Variants in CLEC2A observed in about 807,000 individuals in gnomAD.
CLEC2A encodes C-type lectin domain family 2 member A, also known as keratinocyte-associated C-type lectin.
A neutral mutation model predicts 18.6 loss-of-function variants in CLEC2A; 19 were observed. That is an observed-to-expected ratio of 1.02 (90% CI 0.71 to 1.50). The LOEUF is 1.50. Among genes scored for constraint, CLEC2A ranks in the 40% most tolerant of loss-of-function variants. The probability of loss-of-function intolerance (pLI) is 0.00; values close to 1 mark genes in which losing one functional copy is unlikely to be tolerated. For missense variants in CLEC2A, 190 were observed against 207.9 expected (o/e 0.91, Z 0.53); for synonymous variants, 74 against 64.0 (o/e 1.16, Z -0.75).
chr12:9,907,909 G>A (rs113418006), intron 4 of CLEC2A, among the ~76,000 whole-genome samples: 245 of 152,336 alleles, frequency 1.6e-3, no homozygotes, highest in African/African-American at 5.4e-3. Context: ...TGATGGTCAC[G>A]TGGGATTTTG....
intron 1 of CLEC2A, among the ~76,000 whole-genome samples, chr12:9,930,976 T>C (rs1431121215): frequency 6.6e-5 from 10 of 152,148 alleles, no homozygotes; most frequent in Non-Finnish European, 1.3e-4. Flanking sequence ...ACTTGGTTTT[T>C]ATTGTGTTCT....
the CLEC2A span, chr12:9,888,777 T>C: frequency 1.3e-6 from 2 of 1,499,282 alleles, no homozygotes; most frequent in East Asian, 4.9e-5. Context: ...CAGCAGTCTA[T>C]CAGGTAATAC....
chr12:9,899,285 T>A (rs1862793543), intron 4 of CLEC2A, among the ~76,000 whole-genome samples: 1 of 152,128 alleles, frequency 6.6e-6, no homozygotes, highest in Non-Finnish European at 1.5e-5. Context: ...TACAATTACC[T>A]AACTGAGAGG....
the CLEC2A span, chr12:9,881,356 C>A: frequency 2.4e-6 from 1 of 417,120 alleles, no homozygotes; most frequent in African/African-American, 2.0e-5. Context: ...ACACTAGCTA[C>A]CTTTACCTTG....
chr12:9,884,272 A>G, the CLEC2A span, among the ~76,000 whole-genome samples: 4 of 152,052 alleles, frequency 2.6e-5, no homozygotes, highest in African/African-American at 7.2e-5. Context: ...GCGATGAAAT[A>G]CTATAGCATA....
chr12:9,931,587 A>C (rs1863376610), intron 1 of CLEC2A, among the ~76,000 whole-genome samples: 1 of 152,214 alleles, frequency 6.6e-6, no homozygotes, highest in Non-Finnish European at 1.5e-5. Context: ...TTATTATTAA[A>C]AGAATTATCC....
chr12:9,893,372 A>G, the CLEC2A span: 5 of 888,874 alleles, frequency 5.6e-6, no homozygotes, highest in African/African-American at 8.3e-5. Context: ...TACACTATAG[A>G]AGGCATCAAA....
At chr12:9,880,661 A>G in the CLEC2A span, among the ~76,000 whole-genome samples, 2 of 152,198 alleles carry the variant, frequency 1.3e-5, no homozygotes, top group African/African-American at 4.8e-5. Flanking sequence ...ATTCAAATGC[A>G]AAGTCCACCG....
chr12:9,918,232 GT>G (rs1863104585), intron 3 of CLEC2A, among the ~76,000 whole-genome samples: 1 of 152,088 alleles, frequency 6.6e-6, no homozygotes, highest in Non-Finnish European at 1.5e-5. Flanking sequence ...ATAGTTTGGG[GT>G]TTTACATTTA....
chr12:9,890,509 G>A, the CLEC2A span, among the ~76,000 whole-genome samples: 6 of 152,076 alleles, frequency 3.9e-5, no homozygotes, highest in East Asian at 5.8e-4. Flanking sequence ...TCTAAGCTTC[G>A]GGAGGCCTCT....
At chr12:9,927,441 C>T (rs746524233) in intron 1 of CLEC2A, among the ~76,000 whole-genome samples, 2 of 151,916 alleles carry the variant, frequency 1.3e-5, no homozygotes, top group African/African-American at 2.4e-5. Flanking sequence ...ATGTGTATAT[C>T]GTGCATATAT....
At chr12:9,902,381 C>T (rs1862843486) in intron 4 of CLEC2A, among the ~76,000 whole-genome samples, 1 of 151,904 alleles carries the variant, frequency 6.6e-6, no homozygotes, top group African/African-American at 2.4e-5. Context: ...TACAGGTGTG[C>T]ACCATTGCGC....
chr12:9,879,019 G>A, the CLEC2A span, among the ~76,000 whole-genome samples: 1 of 152,174 alleles, frequency 6.6e-6, no homozygotes, highest in South Asian at 2.1e-4. Context: ...TGATATCAAC[G>A]GCAATAATTT....
intron 4 of CLEC2A, among the ~76,000 whole-genome samples, chr12:9,916,236 C>T (rs868594009): frequency 6.6e-6 from 1 of 150,624 alleles, no homozygotes. Flanking sequence ...AAATAAGCAA[C>T]AAATAAATAA....
the CLEC2A span, chr12:9,881,660 C>A: frequency 3.9e-6 from 6 of 1,534,356 alleles, no homozygotes; most frequent in Non-Finnish European, 5.2e-6. Context: ...AAGCAGAAAT[C>A]TAAAGGTAGG....
chr12:9,912,673 A>G (rs1315942280), downstream of CLEC2A, among the ~76,000 whole-genome samples: 2 of 151,668 alleles, frequency 1.3e-5, no homozygotes, highest in Non-Finnish European at 2.9e-5. Context: ...AGCAAAAAAA[A>G]AAAAAAGGAA....
At chr12:9,899,715 T>C (rs767583615) in intron 4 of CLEC2A, among the ~76,000 whole-genome samples, 3 of 152,332 alleles carry the variant, frequency 2.0e-5, no homozygotes, top group Non-Finnish European at 2.9e-5. Flanking sequence ...TCCCACCTAC[T>C]GTCAGTAGCC....
intron 4 of CLEC2A, among the ~76,000 whole-genome samples, chr12:9,899,986 C>T (rs1035503664): frequency 9.2e-5 from 14 of 152,068 alleles, no homozygotes; most frequent in Non-Finnish European, 1.6e-4. Context: ...AAGTTAAATG[C>T]TAAGGTGAAA....
chr12:9,897,219 A>C (rs189924556), downstream of CLEC2A, among the ~76,000 whole-genome samples: 63 of 152,254 alleles, frequency 4.1e-4, no homozygotes, highest in African/African-American at 1.4e-3. Flanking sequence ...ATGTTGTAGA[A>C]GAGATCTCTA....
Sources: gnomAD v4.1 joint callset for allele counts (sites outside exome capture counted in the v4.1 genomes callset) on GRCh38, gnomAD v4.1.1 for gene constraint, MANE v1.5 for transcripts, NCBI Gene and HGNC (gene_info 2026-07-23, HGNC 2026-07-21) for gene names.